Variants in MYO1E observed in about 807,000 individuals in gnomAD.
The protein encoded by MYO1E is unconventional myosin-Ie.
In MYO1E, 68 loss-of-function variants were observed where a neutral mutation model predicts 151.1. The ratio of observed to expected loss-of-function variants is 0.45; its 90% CI spans 0.37 to 0.55. The LOEUF (loss-of-function observed/expected upper bound fraction) is 0.55, where lower values mean the gene tolerates loss of function less well. Among genes scored for constraint, MYO1E ranks in the 20% least tolerant of loss-of-function variants. The probability of loss-of-function intolerance (pLI) is 0.00; values close to 1 mark genes in which losing one functional copy is unlikely to be tolerated. For missense variants in MYO1E, 1,363 were observed against 1,389.3 expected, an observed-to-expected ratio of 0.98 and a Z score of 0.30; for synonymous variants, 601 against 501.7, an observed-to-expected ratio of 1.20 and a Z score of -2.64.
chr15:59,252,342 G>C (rs997143642), intron 4 of MYO1E, among the ~76,000 whole-genome samples: 3 of 152,098 alleles, frequency 2.0e-5, no homozygotes, highest in African/African-American at 4.8e-5. Context: ...CAGCACTTTC[G>C]GAAGCTGAGG....
At chr15:59,254,593 G>A (rs1309544937) in intron 4 of MYO1E, among the ~76,000 whole-genome samples, 2 of 152,118 alleles carry the variant, frequency 1.3e-5, no homozygotes, top group Admixed American at 1.3e-4. Flanking sequence ...TGACAACAGT[G>A]CAAAATGGAT....
At chr15:59,367,388 A>G (rs1403808172) in intron 1 of MYO1E, among the ~76,000 whole-genome samples, 1 of 152,138 alleles carries the variant, frequency 6.6e-6, no homozygotes, top group Non-Finnish European at 1.5e-5. Flanking sequence ...AAGGAGTGAA[A>G]AACAAGAAGT....
chr15:59,326,247 T>C (rs7164264), intron 1 of MYO1E, among the ~76,000 whole-genome samples: 106,932 of 151,572 alleles, frequency 0.71, 39,327 homozygotes, highest in Non-Finnish European at 0.82. Context: ...GGGACGGGCA[T>C]GGTGGCTCAC....
In MYO1E at chr15:59,137,550, C is replaced by T; in HGVS notation, c.3251-94G>A. The T allele has an allele frequency of 7.9e-6, 8 of 1,013,438 alleles. No homozygotes were observed. In the South Asian group the frequency reaches 1.0e-4, roughly 13 times the overall value. The allele number at this position is 1,013,438 out of a possible 1,614,324, so 62.8% of individuals were successfully genotyped here. The stretch of plus-strand genomic sequence containing the variant: ...GCTCCCATGGGCTCAAGTGATTTGG[C>T]TCCATCCATGTTGTTTTCCCTTTGT... On this transcript the variant is annotated intron_variant, in intron 27 of 27. Transcript: ENST00000288235.
At chr15:59,326,374 T>A (rs2080664373) in intron 1 of MYO1E, among the ~76,000 whole-genome samples, 1 of 151,618 alleles carries the variant, frequency 6.6e-6, no homozygotes, top group Admixed American at 6.6e-5. Context: ...AAAAAAAAAA[T>A]TAGCCAGGTG....
chr15:59,213,795 T>C (rs1450184011), intron 12 of MYO1E, among the ~76,000 whole-genome samples: 1 of 152,208 alleles, frequency 6.6e-6, no homozygotes, highest in Non-Finnish European at 1.5e-5. Context: ...TACCAAGGCA[T>C]GTTACCTCAG....
chr15:59,182,305 C>A (rs1295411552), intron 18 of MYO1E, among the ~76,000 whole-genome samples: 2 of 152,076 alleles, frequency 1.3e-5, no homozygotes, highest in Admixed American at 6.5e-5. Flanking sequence ...CTGCGCCTCC[C>A]GGGTTCAAGC....
Position 59,142,657 on chromosome 15 carries a change from G to C in MYO1E, c.3081-4290C>G, listed in dbSNP as rs114725506. On this transcript the variant is annotated intron_variant, in intron 26 of 27. Transcript: ENST00000288235. Reference sequence around the variant, plus strand: ...TGGAAAAAGGACCAAAACCCTTCATGGCGCCTACAGACTCTGCCAGGGGCG... The same window carrying C: ...TGGAAAAAGGACCAAAACCCTTCATCGCGCCTACAGACTCTGCCAGGGGCG... Among the ~76,000 whole-genome samples the C allele has an allele frequency of 9.2e-3, 1,396 of 152,198 alleles. 24 individuals carry two copies. Among genetic ancestry groups the C allele is most frequent in the African/African-American group, 0.032 (1,318 of 41,528 alleles).
In MYO1E at chr15:59,133,116, C is replaced by T. The variant is rs2079354117; in HGVS notation, c.*4264G>A. 1 of 152,032 alleles carries T rather than the reference C, an allele frequency of 6.6e-6. No individual in the cohort carries two copies. The highest frequency in any genetic ancestry group is 2.4e-5 in the African/African-American group (1 of 41,396). 9.4% of individuals were successfully genotyped at this position (152,032 alleles called of 1,614,324 possible). A position where few individuals can be genotyped will look rare whatever the true frequency, so the allele number is the denominator to read the frequency against. On this transcript the variant is annotated 3_prime_UTR_variant, in exon 28 of 28. Transcript: ENST00000288235. ...CACAGGCCTTTTGGGCACAGTGGCT[C>T]ATGCTTGTAATCCCAGAATTTTGGG...
chr15:59,244,369 T>G (rs1418342790), intron 4 of MYO1E, among the ~76,000 whole-genome samples: 1 of 152,262 alleles, frequency 6.6e-6, no homozygotes, highest in African/African-American at 2.4e-5. Context: ...TACTAGCAGA[T>G]CTTTTACATT....
At position 59,350,036 on chromosome 15, in the gene MYO1E, G is replaced by A. The variant is rs1047655888; in HGVS notation, c.3+22462C>T. ...CTCAGCCACAACCAGGTTGTGGTGC[G>A]TTACATAGTCCCAATGGTGGTATCT... On this transcript the variant is annotated intron_variant, in intron 1 of 27. Transcript: ENST00000288235. This position sits in a 1 kb window ranked among gnomAD's most constrained non-coding sequence, Gnocchi z 5.0. Among the ~76,000 whole-genome samples, 8 of 152,190 alleles carry A rather than the reference G, an allele frequency of 5.3e-5. No homozygotes were observed. Among genetic ancestry groups the A allele is most frequent in the African/African-American group, 1.7e-4 (7 of 41,446 alleles).
rs1164837132 is a variant in MYO1E, at chr15:59,195,659, C to T, written c.1699-92G>A. ...CTTGTAAAACTCTCTTGTAGAAATA[C>T]ATAGCTAGGAATTAATCTTCATGAC... On this transcript the variant is annotated intron_variant, in intron 16 of 27. Coordinates refer to ENST00000288235, the MANE Select transcript of MYO1E (RefSeq NM_004998.4). 2.6e-6 allele frequency: 3 copies of T among 1,157,326 alleles called. No individual in the cohort carries two copies. The African/African-American group carries it at 4.6e-5, about 18-fold the overall frequency. The allele number at this position is 1,157,326 out of a possible 1,614,324, so 71.7% of individuals were successfully genotyped here.
At chr15:59,138,961 A>C (rs1438702808) in intron 26 of MYO1E, among the ~76,000 whole-genome samples, 1 of 152,132 alleles carries the variant, frequency 6.6e-6, no homozygotes. Flanking sequence ...GCCTGCAGCT[A>C]TCGTTCCTTC....
chr15:59,325,391 C>T (rs1230122876), intron 1 of MYO1E, among the ~76,000 whole-genome samples: 2 of 152,078 alleles, frequency 1.3e-5, no homozygotes, highest in Non-Finnish European at 2.9e-5. Flanking sequence ...CCAGGGATTT[C>T]GTGGAAGTGA....
intron 4 of MYO1E, among the ~76,000 whole-genome samples, chr15:59,243,240 G>A (rs768842437): frequency 1.3e-5 from 2 of 151,734 alleles, no homozygotes; most frequent in African/African-American, 2.4e-5. Context: ...AAAGATGAAC[G>A]CAGTTGTTCA....
At chr15:59,214,335 A>G in intron 11 of MYO1E, 21 bp from the exon 12 acceptor site, 1 of 1,529,632 alleles carries the variant, frequency 6.5e-7, no homozygotes, top group Non-Finnish European at 9.0e-7. Flanking sequence ...AAAGTTATTC[A>G]CATGTAATTC....
At chr15:59,240,528 T>C (rs982760929) in intron 4 of MYO1E, among the ~76,000 whole-genome samples, 16 of 152,258 alleles carry the variant, frequency 1.1e-4, no homozygotes, top group Non-Finnish European at 1.9e-4. Context: ...AGGTTATTCC[T>C]CACTTAAAAG....
intron 7 of MYO1E, among the ~76,000 whole-genome samples, chr15:59,225,733 G>A (rs1337022061): frequency 5.4e-5 from 8 of 148,614 alleles, no homozygotes; most frequent in Admixed American, 2.1e-4. Context: ...TGCAAGCTCC[G>A]CCTCCCAGGT....
intron 2 of MYO1E, among the ~76,000 whole-genome samples, chr15:59,268,720 A>ATTTTTTTGTTTTTTTTTTTT (rs2080271497): frequency 2.2e-5 from 1 of 44,906 alleles, no homozygotes; most frequent in Non-Finnish European, 4.9e-5. Context: ...TGACTTTGGT[A>ATTTTTTTGTTTTTTTTTTTT]TTTTTTTTTT....
Sources: allele counts gnomAD v4.1 joint callset (sites outside exome capture counted in the v4.1 genomes callset), GRCh38; gene constraint gnomAD v4.1.1; non-coding constraint Gnocchi (gnomAD v3.1); transcripts MANE v1.5; gene names NCBI Gene and HGNC (gene_info 2026-07-23, HGNC 2026-07-21).